Variants in SORL1 observed in about 807,000 individuals in gnomAD.
SORL1 encodes sortilin related receptor 1, also known as sortilin-related receptor.
SORL1 carries 127 observed loss-of-function variants against 273.7 expected under a neutral mutation model. The ratio of observed to expected loss-of-function variants is 0.46; its 90% CI spans 0.40 to 0.54. The LOEUF (loss-of-function observed/expected upper bound fraction) is 0.54. Among genes scored for constraint, SORL1 ranks in the 20% least tolerant of loss-of-function variants. The probability of loss-of-function intolerance (pLI) is 0.00; values close to 1 mark genes in which losing one functional copy is unlikely to be tolerated. For synonymous variants in SORL1, 1,031 were observed against 1,067.4 expected (o/e 0.97, Z 0.66); for missense variants, 2,494 against 2,846.1 (o/e 0.88, Z 2.81).
chr11:121,598,844 A>T (rs928382639), intron 32 of SORL1, among the ~76,000 whole-genome samples: 2 of 152,144 alleles, frequency 1.3e-5, no homozygotes, highest in African/African-American at 4.8e-5. Flanking sequence ...CCCATCGTTG[A>T]TGCGTCCTTT....
intron 5 of SORL1, 73 bp downstream of exon 5, chr11:121,490,183 C>A: frequency 1.0e-6 from 1 of 979,550 alleles, no homozygotes; most frequent in Non-Finnish European, 1.7e-6. Flanking sequence ...TCTTGGTGGA[C>A]AAACTGCCCT....
intron 1 of SORL1, among the ~76,000 whole-genome samples, chr11:121,458,647 T>C (rs573498978): frequency 1.7e-3 from 264 of 152,326 alleles, no homozygotes; most frequent in African/African-American, 6.2e-3. Context: ...TTTCCCTCAA[T>C]TTAAAATGAG....
rs369010615 is a variant in SORL1, at chr11:121,627,605, G to A, written c.6415G>A (p.Val2139Met). ...QAARSTDVAAVVVPILFLILL... is the reference protein window; with the variant it reads ...QAARSTDVAAMVVPILFLILL... ...TGCCAGATCTACGGATGTTGCTGCTGTGGTGGTGCCCATCTTATTCCTGAT... is the reference window on the plus strand; with the variant it reads ...TGCCAGATCTACGGATGTTGCTGCTATGGTGGTGCCCATCTTATTCCTGAT... Residue 2139 changes from valine (V) to methionine (M), a missense_variant, in exon 47 of 48, where the codon GTG becomes ATG. This residue lies in a region of SORL1 where 1,609 missense variants were observed against 1,816.4 expected (regional missense o/e 0.89). Transcript: ENST00000260197. The surrounding 1 kb of genome is among the most constrained non-coding windows in gnomAD (Gnocchi z 4.9). 6.2e-7 allele frequency: 1 copy of A among 1,614,222 alleles called. No homozygotes were observed. The highest frequency in any genetic ancestry group is 8.5e-7 in the Non-Finnish European group (1 of 1,180,034).
intron 32 of SORL1, among the ~76,000 whole-genome samples, chr11:121,599,235 AAATG>A (rs1420202194): frequency 6.6e-6 from 1 of 152,230 alleles, no homozygotes; most frequent in Non-Finnish European, 1.5e-5. Context: ...ATAAATAAAT[AAATG>A]AATCTATATA....
At chr11:121,574,483 A>G in intron 24 of SORL1, 120 bp downstream of exon 24, 1 of 887,598 alleles carries the variant, frequency 1.1e-6, no homozygotes, top group Non-Finnish European at 1.7e-6. Flanking sequence ...ATGATATTCT[A>G]GCTGAATGGC....
chr11:121,623,232 A>G (rs1440836107), intron 45 of SORL1, among the ~76,000 whole-genome samples: 2 of 152,250 alleles, frequency 1.3e-5, no homozygotes, highest in Non-Finnish European at 2.9e-5. Context: ...TAATCTAAAT[A>G]ACAAAGAGGT....
intron 12 of SORL1, among the ~76,000 whole-genome samples, chr11:121,536,793 A>G (rs1862274080): frequency 6.6e-6 from 1 of 152,074 alleles, no homozygotes; most frequent in Non-Finnish European, 1.5e-5. Context: ...TTTATGAATA[A>G]TGCCCTTTCT....
intron 40 of SORL1, among the ~76,000 whole-genome samples, chr11:121,613,707 A>G (rs1486430770): frequency 6.6e-5 from 10 of 152,234 alleles, no homozygotes; most frequent in Non-Finnish European, 1.5e-4. Context: ...TACAGAGGCA[A>G]AACTGAAGTT....
chr11:121,614,678 AGT>A, intron 40 of SORL1, 191 bp from the exon 41 acceptor site: 2 of 533,082 alleles, frequency 3.8e-6, no homozygotes, highest in South Asian at 5.1e-5. Flanking sequence ...GTGCTTGTGC[AGT>A]GTGTTACGTA....
At chr11:121,469,939 G>A in intron 1 of SORL1, 68 bp from the exon 2 acceptor site, 1 of 1,053,796 alleles carries the variant, frequency 9.5e-7, no homozygotes, top group Non-Finnish European at 1.5e-6. Flanking sequence ...GGAGGAAAGA[G>A]TCTTGATTTA....
chr11:121,586,100 C>A, intron 26 of SORL1, 122 bp from the exon 27 acceptor site: 1 of 722,366 alleles, frequency 1.4e-6, no homozygotes, highest in Non-Finnish European at 2.5e-6. Context: ...TGTCATTTTG[C>A]TAGTTACAGC....
chr11:121,480,012 C>T (rs1255148423), intron 3 of SORL1, among the ~76,000 whole-genome samples: 1 of 152,134 alleles, frequency 6.6e-6, no homozygotes, highest in Admixed American at 6.5e-5. Context: ...AGGGGTGGGC[C>T]CCGCTGCTTG....
At chr11:121,519,967 C>G (rs1014044957) in intron 8 of SORL1, among the ~76,000 whole-genome samples, 1 of 152,124 alleles carries the variant, frequency 6.6e-6, no homozygotes, top group African/African-American at 2.4e-5. Flanking sequence ...AGCAGATTAT[C>G]TGGCTGGACA....
At chr11:121,533,749 G>A (rs560642081) in intron 12 of SORL1, among the ~76,000 whole-genome samples, 1 of 152,246 alleles carries the variant, frequency 6.6e-6, no homozygotes, top group Non-Finnish European at 1.5e-5. Context: ...TTTCCCTGTG[G>A]TTAATTTGAC....
At chr11:121,608,012 A>C in intron 37 of SORL1, 92 bp from the exon 38 acceptor site, 1 of 1,174,046 alleles carries the variant, frequency 8.5e-7, no homozygotes, top group South Asian at 1.3e-5. Context: ...CACTGCCAAA[A>C]TCTCACCCCT....
In SORL1 at chr11:121,496,428, G is replaced by T. The variant is rs536618775; in HGVS notation, c.759-441G>T. 2.0e-5 allele frequency among the ~76,000 whole-genome samples: 3 copies of T among 152,198 alleles called. No homozygotes were observed. In the East Asian group the frequency reaches 5.8e-4, roughly 29 times the overall value. On this transcript the variant is annotated intron_variant, in intron 5 of 47. Transcript: ENST00000260197. ...GGGCAGCGTCACTTGGAAGGATCAG[G>T]CTCAGAGGTTCATGGTGTGGTTTCT... is the stretch of plus-strand genomic sequence containing the variant.
rs572385417 is a variant in SORL1 at position 121,519,539 on chromosome 11, AC to A, written c.1212-1114del. The stretch of plus-strand genomic sequence containing the variant: ...CCGTCCATATTCTCTTAAGAATATA[AC>A]CCCAAGCTTTCTAGAGCCATCCTTG... On this transcript the variant is annotated intron_variant, in intron 8 of 47. Transcript: ENST00000260197. Among the ~76,000 whole-genome samples the A allele has an allele frequency of 3.7e-4, 57 of 152,204 alleles. 2 individuals carry two copies. Among genetic ancestry groups the A allele is most frequent in the Middle Eastern group, 6.8e-3 (2 of 294 alleles).
At chr11:121,589,974 A>G in intron 29 of SORL1, 66 bp from the exon 30 acceptor site, 1 of 1,572,160 alleles carries the variant, frequency 6.4e-7, no homozygotes, top group Non-Finnish European at 8.7e-7. Flanking sequence ...GAGGATGCCT[A>G]GAGTTGGAGC....
At chr11:121,590,696 C>G (rs1460320019) in intron 30 of SORL1, 11 of 649,206 alleles carry the variant, frequency 1.7e-5, no homozygotes, top group East Asian at 2.7e-5. Context: ...TCTTAGCCAC[C>G]CTGTGCCTCC....
Sources: gnomAD v4.1 joint callset for allele counts (sites outside exome capture counted in the v4.1 genomes callset) on GRCh38, gnomAD v4.1.1 for gene constraint, gnomAD v4.1.1 regional missense constraint, Gnocchi (gnomAD v3.1) non-coding constraint, MANE v1.5 for transcripts, NCBI Gene and HGNC (gene_info 2026-07-23, HGNC 2026-07-21) for gene names.